The following PTPRM variants were observed in gnomAD, a reference collection of about 807,000 sequenced individuals.
PTPRM encodes protein tyrosine phosphatase receptor type M.
Under a neutral mutation model 186.7 loss-of-function variants are expected in PTPRM, and 47 were observed. The ratio of observed to expected loss-of-function variants is 0.25; its 90% CI spans 0.20 to 0.32. PTPRM has a LOEUF of 0.32. PTPRM is among the 10% of genes least tolerant of loss of function. The probability of loss-of-function intolerance (pLI) is 1.00; values close to 1 mark genes in which losing one functional copy is unlikely to be tolerated. For synonymous variants in PTPRM, 668 were observed against 674.9 expected, an observed-to-expected ratio of 0.99 and a Z score of 0.16; for missense variants, 1,494 against 1,865.0, an observed-to-expected ratio of 0.80 and a Z score of 3.66.
chr18:8,398,679 A>T (rs1276462616), intron 32 of PTPRM, among the ~76,000 whole-genome samples: 1 of 151,946 alleles, frequency 6.6e-6, no homozygotes, highest in Admixed American at 6.6e-5. Context: ...CTGAGGCAGA[A>T]GAATCACTTG....
intron 1 of PTPRM, among the ~76,000 whole-genome samples, chr18:7,612,195 G>T (rs1281227590): frequency 6.6e-6 from 1 of 152,234 alleles, no homozygotes; most frequent in Admixed American, 6.5e-5. Flanking sequence ...GTGTGTGTGT[G>T]TGGTGTGTGC....
chr18:7,730,636 C>T (rs1319836508), intron 1 of PTPRM, among the ~76,000 whole-genome samples: 1 of 152,156 alleles, frequency 6.6e-6, no homozygotes, highest in African/African-American at 2.4e-5. Flanking sequence ...TTGTATTGCT[C>T]AGAAACATGA....
At chr18:8,303,151 G>A (rs1176518371) in intron 20 of PTPRM, among the ~76,000 whole-genome samples, 1 of 152,132 alleles carries the variant, frequency 6.6e-6, no homozygotes, top group Non-Finnish European at 1.5e-5. Flanking sequence ...TCCTGAGACA[G>A]AACTGCTCAG....
At chr18:7,920,959 A>G (rs189483063) in intron 4 of PTPRM, among the ~76,000 whole-genome samples, 431 of 152,296 alleles carry the variant, frequency 2.8e-3, no homozygotes, top group Non-Finnish European at 3.6e-3. Context: ...TTCTGTTGCC[A>G]TATGAACCCT....
Position 8,143,755 on chromosome 18 carries a change from G to C in PTPRM, c.2276G>C (p.Gly759Ala). The C allele has an allele frequency of 6.2e-7, 1 of 1,614,092 alleles. No homozygotes were observed. The highest frequency in any genetic ancestry group is 1.3e-5 in the African/African-American group (1 of 75,008). Residue 759 changes from glycine (G) to alanine (A), a missense_variant, in exon 14 of 33, where the codon GGA becomes GCA. Physicochemically the swap from Gly to Ala is moderately conservative, Grantham distance 60 (BLOSUM62 0). This residue lies in a region of PTPRM where 1,107 missense variants were observed against 1,350.2 expected (regional missense o/e 0.82). Coordinates refer to ENST00000580170, the MANE Select transcript of PTPRM (RefSeq NM_001105244.2). ...GILLFVIIFLGVVLVMKKRKL... is the reference protein window; with the variant it reads ...GILLFVIIFLAVVLVMKKRKL... ...TTGCTGTTCGTGATTATATTTCTTG[G>C]AGTTGTGTTGGTAATGAAGAAAAGG...
intron 19 of PTPRM, among the ~76,000 whole-genome samples, chr18:8,292,754 C>G (rs1601668939): frequency 6.6e-6 from 1 of 152,130 alleles, no homozygotes; most frequent in African/African-American, 2.4e-5. Context: ...AAGAAAAATT[C>G]CTGTTTTATA....
chr18:7,890,872 G>C (rs1408059051), intron 3 of PTPRM, among the ~76,000 whole-genome samples: 2 of 152,030 alleles, frequency 1.3e-5, no homozygotes, highest in Admixed American at 1.3e-4. Context: ...ATACATTTAA[G>C]GTTATGTTGT....
chr18:7,705,641 A>G lies in PTPRM; in HGVS notation c.74-68508A>G, dbSNP rs151338115. On this transcript the variant is annotated intron_variant, in intron 1 of 32. Transcript: ENST00000580170. ...CAGAACCTGTCTGCTGTGTTGGTTC[A>G]TAGTTTTTTTGTTGATTTTAAGGAT... is the stretch of plus-strand genomic sequence containing the variant. 3.0e-3 allele frequency among the ~76,000 whole-genome samples: 455 copies of G among 152,086 alleles called. 1 individual carries two copies. Among genetic ancestry groups the G allele is most frequent in the Middle Eastern group, 0.017 (5 of 294 alleles).
rs753658849 is a variant in PTPRM at position 8,384,692 on chromosome 18, A to G, written c.4044+6A>G. ...GCATTTACAATGCCGCCAGAGTAAG[A>G]GACGGGCCTGTCATGCCTGTGATTA... On this transcript the variant is annotated splice_donor_region_variant and intron_variant, in intron 30 of 32. Coordinates refer to ENST00000580170, the MANE Select transcript of PTPRM (RefSeq NM_001105244.2). 7 of 1,614,054 alleles carry G rather than the reference A, an allele frequency of 4.3e-6. No individual in the cohort carries two copies. The highest frequency in any genetic ancestry group is 3.3e-5 in the Admixed American group (2 of 60,016).
At chr18:7,736,676 T>C (rs563733802) in intron 1 of PTPRM, among the ~76,000 whole-genome samples, 2 of 152,310 alleles carry the variant, frequency 1.3e-5, no homozygotes, top group Non-Finnish European at 2.9e-5. Context: ...GGCTGCATGC[T>C]CTGGTGGTCA....
chr18:8,198,574 T>C (rs565767965), intron 14 of PTPRM, among the ~76,000 whole-genome samples: 2 of 152,230 alleles, frequency 1.3e-5, no homozygotes, highest in Non-Finnish European at 2.9e-5. Context: ...CATCAGGTAT[T>C]CACTGAGCTC....
At chr18:7,665,894 C>T (rs1481733055) in intron 1 of PTPRM, among the ~76,000 whole-genome samples, 5 of 151,842 alleles carry the variant, frequency 3.3e-5, no homozygotes, top group African/African-American at 1.2e-4. Flanking sequence ...TGCACTCCAG[C>T]CTGGTGACAG....
At chr18:7,590,004 T>G (rs901280973) in intron 1 of PTPRM, among the ~76,000 whole-genome samples, 2 of 152,174 alleles carry the variant, frequency 1.3e-5, no homozygotes, top group East Asian at 1.9e-4. Flanking sequence ...CCAACTTGTC[T>G]CTAATGGGAA....
intron 9 of PTPRM, among the ~76,000 whole-genome samples, chr18:8,079,493 A>C (rs1156432947): frequency 6.6e-6 from 1 of 152,218 alleles, no homozygotes. Flanking sequence ...AGCTAGATAC[A>C]CATCCTTCTA....
chr18:7,955,112 G>A lies in PTPRM; in HGVS notation c.839-9G>A. ...CATCTGAAAGACAGCTTTCTGGTTTGTCTTTCAGAACCACCCGTTCCTATT... is the reference window on the plus strand; with the variant it reads ...CATCTGAAAGACAGCTTTCTGGTTTATCTTTCAGAACCACCCGTTCCTATT... On this transcript the variant is annotated splice_polypyrimidine_tract_variant and intron_variant, in intron 6 of 32. Transcript: ENST00000580170. 6.3e-7 allele frequency: 1 copy of A among 1,584,202 alleles called. No individual in the cohort carries two copies. The highest frequency in any genetic ancestry group is 1.7e-4 in the Middle Eastern group (1 of 5,898).
intron 14 of PTPRM, among the ~76,000 whole-genome samples, chr18:8,202,541 T>C (rs986624354): frequency 1.3e-5 from 2 of 151,806 alleles, no homozygotes; most frequent in African/African-American, 4.8e-5. Flanking sequence ...TGTTTCTGTC[T>C]GGTTTCAGTC....
chr18:7,776,870 A>C (rs1253474637), intron 2 of PTPRM, among the ~76,000 whole-genome samples: 1 of 152,228 alleles, frequency 6.6e-6, no homozygotes, highest in East Asian at 1.9e-4. Context: ...ACAGCATCTT[A>C]TAAACATGCA....
chr18:7,701,015 G>GA (rs1186948863), intron 1 of PTPRM, among the ~76,000 whole-genome samples: 34 of 126,346 alleles, frequency 2.7e-4, no homozygotes, highest in Middle Eastern at 4.1e-3. Context: ...AAGAAAACAA[G>GA]AAAAAAAAAG....
At chr18:7,660,599 A>G (rs1047687645) in intron 1 of PTPRM, among the ~76,000 whole-genome samples, 2 of 152,178 alleles carry the variant, frequency 1.3e-5, no homozygotes, top group African/African-American at 2.4e-5. Context: ...AGTTGAGATC[A>G]GAAGGTATGT....
Sources: allele counts gnomAD v4.1 joint callset (sites outside exome capture counted in the v4.1 genomes callset), GRCh38; gene constraint gnomAD v4.1.1; regional missense constraint gnomAD v4.1.1; transcripts MANE v1.5; gene names NCBI Gene and HGNC (gene_info 2026-07-23, HGNC 2026-07-21).